SETD4: variants seen among roughly 807,000 people sequenced by gnomAD.
The protein encoded by SETD4 is SET domain-containing protein 4.
In SETD4, 46 loss-of-function variants were observed where a neutral mutation model predicts 58.3. The ratio of observed to expected loss-of-function variants is 0.79; its 90% confidence interval spans 0.62 to 1.01. SETD4 has a LOEUF of 1.01. Ranked by LOEUF, SETD4 falls within the 50% of genes least tolerant of loss-of-function variation. SETD4 has a pLI of 0.00. For synonymous variants in SETD4, 190 were observed against 202.6 expected (o/e 0.94, Z 0.53); for missense variants, 490 against 523.3 (o/e 0.94, Z 0.62).
intron 4 of SETD4, chr21:36,053,246 G>A (rs991605255): frequency 9.0e-6 from 3 of 332,384 alleles, no homozygotes; most frequent in African/African-American, 6.4e-5. Flanking sequence ...AACCTGACCT[G>A]AGGGTGCAGT....
At chr21:36,048,603 C>A (rs2064472116) in intron 4 of SETD4, among the ~76,000 whole-genome samples, 1 of 152,142 alleles carries the variant, frequency 6.6e-6, no homozygotes. Flanking sequence ...CGAGGCCCCA[C>A]AGCCCCAACA....
At chr21:36,050,023 G>A (rs1320042901) in intron 4 of SETD4, among the ~76,000 whole-genome samples, 1 of 152,168 alleles carries the variant, frequency 6.6e-6, no homozygotes, top group African/African-American at 2.4e-5. Flanking sequence ...TATGTTAGAT[G>A]AGCTTCCGGG....
chr21:36,037,099 A>G (rs1482803551), intron 10 of SETD4, among the ~76,000 whole-genome samples: 1 of 152,216 alleles, frequency 6.6e-6, no homozygotes, highest in Admixed American at 6.5e-5. Flanking sequence ...AGTTCAAGAG[A>G]TCTATGGTAC....
intron 11 of SETD4, 62 bp from the exon 12 acceptor site, chr21:36,036,022 G>T: frequency 6.8e-7 from 1 of 1,466,308 alleles, no homozygotes; most frequent in South Asian, 1.2e-5. Context: ...ACAACTCATC[G>T]ACTCTAAACT....
chr21:36,053,496 A>T, intron 4 of SETD4, 87 bp downstream of exon 4: 2 of 1,347,672 alleles, frequency 1.5e-6, no homozygotes, highest in Non-Finnish European at 2.1e-6. Flanking sequence ...TGTATGTCTG[A>T]AATTTTTTTA....
chr21:36,049,504 G>A (rs1030922355), intron 4 of SETD4, among the ~76,000 whole-genome samples: 2 of 152,122 alleles, frequency 1.3e-5, no homozygotes, highest in African/African-American at 4.8e-5. Context: ...GCAGTGAGCC[G>A]AGATTGCGCC....
intron 1 of SETD4, 110 bp from the exon 2 acceptor site, chr21:36,059,034 T>C: frequency 8.1e-7 from 1 of 1,234,974 alleles, no homozygotes; most frequent in South Asian, 1.8e-5. Flanking sequence ...CTGTTCTTTG[T>C]ACCTTTAAGT....
At chr21:36,052,721 C>A (rs1174589864) in intron 4 of SETD4, among the ~76,000 whole-genome samples, 1 of 152,064 alleles carries the variant, frequency 6.6e-6, no homozygotes, top group South Asian at 2.1e-4. Flanking sequence ...CACAGAAAAT[C>A]GTGCGCTAGA....
rs1298527616 is a variant in SETD4 at position 36,045,777 on chromosome 21, GAA to G, written c.529_530del (p.Phe177LeufsTer12). The G allele has an allele frequency of 6.2e-7, 1 of 1,614,108 alleles. No homozygotes were observed. Among genetic ancestry groups the G allele is most frequent in the Non-Finnish European group, 8.5e-7 (1 of 1,180,056 alleles). On this transcript the variant is annotated frameshift_variant, in exon 6 of 12. Coordinates refer to ENST00000332131, the MANE Select transcript of SETD4 (RefSeq NM_017438.5). LOFTEE classifies it high-confidence loss of function. ...CCGCAAACAGAGGCTGCAGAGAAGA[GAA>G]AAAGTCTCTGGAGGAAGCAAAGAAC... ...QEFFASSRDF[F>X]SSLQPLFAEA...
chr21:36,041,937 A>G, intron 7 of SETD4, 49 bp from the exon 8 acceptor site: 3 of 1,008,618 alleles, frequency 3.0e-6, no homozygotes, highest in Non-Finnish European at 4.3e-6. Flanking sequence ...ATTTGGACAA[A>G]AGTATGTCTC....
At position 36,036,229 on chromosome 21, in the gene SETD4, T is replaced by TTTATGAGACCC. The variant is rs1277148037; in HGVS notation, c.1210_1211insGGGTCTCATAA (p.Lys404ArgfsTer4). ...AGTTAGTTGGTTTATCAGGGCCTCT[T>TTTATGAGACCC]TTTCATCCTTCATATGAGACACCTG... is the stretch of plus-strand genomic sequence containing the variant. On this transcript the variant is annotated stop_gained and frameshift_variant, in exon 11 of 12. Coordinates refer to ENST00000332131, the MANE Select transcript of SETD4 (RefSeq NM_017438.5). LOFTEE classifies it high-confidence loss of function. 6.2e-7 allele frequency: 1 copy of TTTATGAGACCC among 1,609,278 alleles called. No homozygotes were observed. The highest frequency in any genetic ancestry group is 1.3e-5 in the African/African-American group (1 of 74,652).
chr21:36,054,989 A>G (rs1167131492), intron 3 of SETD4, among the ~76,000 whole-genome samples: 1 of 152,150 alleles, frequency 6.6e-6, no homozygotes, highest in Non-Finnish European at 1.5e-5. Flanking sequence ...GGATTTGATG[A>G]GTCCCAATTC....
chr21:36,054,312 C>T (rs117164653), intron 3 of SETD4, among the ~76,000 whole-genome samples: 1,681 of 152,374 alleles, frequency 0.011, 7 homozygotes, highest in Admixed American at 0.019. Flanking sequence ...AGAAGTTTCT[C>T]CCTTCATGCC....
intron 3 of SETD4, among the ~76,000 whole-genome samples, chr21:36,056,872 C>T (rs1002316740): frequency 2.0e-5 from 3 of 152,186 alleles, no homozygotes; most frequent in African/African-American, 7.2e-5. Context: ...GTTAACCTAA[C>T]CTCCCTAATA....
Position 36,035,643 on chromosome 21 carries a change from AC to A in SETD4, c.*349del. On this transcript the variant is annotated 3_prime_UTR_variant, in exon 12 of 12. Coordinates refer to ENST00000332131, the MANE Select transcript of SETD4 (RefSeq NM_017438.5). Reference sequence around the variant, plus strand: ...ACACCCACCGCCAATCTGCCCCTTAACCCAATGGTATCAGAGCATCTTAAAA... The same window carrying A: ...ACACCCACCGCCAATCTGCCCCTTAACCAATGGTATCAGAGCATCTTAAAA... 1 of 197,478 alleles carries A rather than the reference AC, an allele frequency of 5.1e-6. No individual in the cohort carries two copies. Among genetic ancestry groups the A allele is most frequent in the Non-Finnish European group, 1.0e-5 (1 of 95,564 alleles). 12.2% of individuals were successfully genotyped at this position (197,478 alleles called of 1,614,324 possible).
intron 5 of SETD4, among the ~76,000 whole-genome samples, chr21:36,048,067 GGGAGGGAAGGAGGGAA>G (rs1360025666): frequency 6.9e-6 from 1 of 144,778 alleles, no homozygotes; most frequent in African/African-American, 2.6e-5. Flanking sequence ...GAGGGAGGGA[GGGAGGGAAGGAGGGAA>G]GGAGGGAGGG....
intron 6 of SETD4, among the ~76,000 whole-genome samples, chr21:36,044,906 C>A (rs540768331): frequency 6.6e-6 from 1 of 152,314 alleles, no homozygotes; most frequent in East Asian, 1.9e-4. Context: ...AGGCCTCTAC[C>A]CCTGCATGCC....
chr21:36,049,089 C>T (rs554731168), intron 4 of SETD4, among the ~76,000 whole-genome samples: 64 of 152,252 alleles, frequency 4.2e-4, no homozygotes, highest in African/African-American at 1.4e-3. Context: ...ACACAGTAAG[C>T]GTCGAACTCT....
chr21:36,059,953 A>G (rs902654195), intron 1 of SETD4: 9 of 985,352 alleles, frequency 9.1e-6, no homozygotes, highest in Non-Finnish European at 1.1e-5. Context: ...GCTGTCCACC[A>G]TCACCCTGCT....
Sources: gnomAD v4.1 joint callset for allele counts (sites outside exome capture counted in the v4.1 genomes callset) on GRCh38, gnomAD v4.1.1 for gene constraint, MANE v1.5 for transcripts, NCBI Gene and HGNC (gene_info 2026-07-23, HGNC 2026-07-21) for gene names.